The following CSNK1G1 variants were observed in gnomAD, a reference collection of about 807,000 sequenced individuals.
CSNK1G1 encodes the protein casein kinase 1 gamma 1.
CSNK1G1 carries 22 observed loss-of-function variants against 59.6 expected under a neutral mutation model. That is an observed-to-expected ratio of 0.37 (90% confidence interval 0.26 to 0.53). The LOEUF (loss-of-function observed/expected upper bound fraction) is 0.53, where lower values mean the gene tolerates loss of function less well. Among genes scored for constraint, CSNK1G1 ranks in the 20% least tolerant of loss-of-function variants. The pLI is 0.89. For missense variants in CSNK1G1, 384 were observed against 519.5 expected (o/e 0.74, Z 2.54); for synonymous variants, 179 against 177.1 (o/e 1.01, Z -0.08).
At chr15:64,342,074 A>G (rs1480048240) in intron 1 of CSNK1G1, among the ~76,000 whole-genome samples, 2 of 152,168 alleles carry the variant, frequency 1.3e-5, no homozygotes, top group African/African-American at 4.8e-5. Context: ...TTCCCTTCCG[A>G]CAGTGACGTC....
At chr15:64,180,868 T>A (rs2081804147) in intron 10 of CSNK1G1, among the ~76,000 whole-genome samples, 1 of 152,238 alleles carries the variant, frequency 6.6e-6, no homozygotes, top group Admixed American at 6.5e-5. Context: ...ACACATTACT[T>A]TGTTAAGTTA....
chr15:64,279,970 T>C (rs1174833633), intron 2 of CSNK1G1, among the ~76,000 whole-genome samples: 2 of 135,298 alleles, frequency 1.5e-5, no homozygotes, highest in Non-Finnish European at 3.1e-5. Flanking sequence ...AGACTCCATC[T>C]CAAAAAAAAA....
chr15:64,354,775 T>C (rs1313924222), intron 1 of CSNK1G1, among the ~76,000 whole-genome samples: 2 of 152,224 alleles, frequency 1.3e-5, no homozygotes, highest in African/African-American at 2.4e-5. Context: ...TTTTAACTCA[T>C]ACTACTTATG....
intron 8 of CSNK1G1, 53 bp from the exon 9 acceptor site, chr15:64,204,642 C>A: frequency 1.3e-6 from 2 of 1,575,146 alleles, no homozygotes; most frequent in Non-Finnish European, 8.7e-7. Context: ...CTTTCCATAG[C>A]AGTTGTGGGG....
intron 6 of CSNK1G1, among the ~76,000 whole-genome samples, chr15:64,211,290 C>CA (rs1379331517): frequency 1.3e-5 from 2 of 152,078 alleles, no homozygotes; most frequent in South Asian, 2.1e-4. Flanking sequence ...CTTTGCAACA[C>CA]AAAAAAATGC....
At chr15:64,215,559 T>C (rs1356510649) in intron 5 of CSNK1G1, among the ~76,000 whole-genome samples, 2 of 152,190 alleles carry the variant, frequency 1.3e-5, no homozygotes, top group Non-Finnish European at 2.9e-5. Flanking sequence ...GATATTTGAA[T>C]TTGGGGCTCA....
chr15:64,217,898 T>C (rs2082333086), intron 4 of CSNK1G1, among the ~76,000 whole-genome samples: 4 of 152,118 alleles, frequency 2.6e-5, no homozygotes, highest in African/African-American at 7.2e-5. Context: ...TATATATTTA[T>C]GTATATAGTG....
intron 4 of CSNK1G1, among the ~76,000 whole-genome samples, chr15:64,231,201 C>A: frequency 7.2e-6 from 1 of 139,124 alleles, no homozygotes; most frequent in South Asian, 2.1e-4. Context: ...TGATGTATGC[C>A]TGTGGTCCCA....
intron 2 of CSNK1G1, among the ~76,000 whole-genome samples, chr15:64,281,026 C>A (rs1302250767): frequency 3.3e-5 from 5 of 151,694 alleles, no homozygotes; most frequent in Admixed American, 3.3e-4. Flanking sequence ...ACTACAGGCA[C>A]CCGCCACCAC....
At chr15:64,315,297 G>C (rs1423390720) in intron 1 of CSNK1G1, among the ~76,000 whole-genome samples, 2 of 152,182 alleles carry the variant, frequency 1.3e-5, no homozygotes, top group East Asian at 3.8e-4. Context: ...TATTAAGAAA[G>C]GCTTTTGGTG....
At position 64,171,994 on chromosome 15, in the gene CSNK1G1, C is replaced by A. The variant is rs1203857076; in HGVS notation, c.1215-9G>T. On this transcript the variant is annotated splice_polypyrimidine_tract_variant and intron_variant, in intron 11 of 11. Coordinates refer to ENST00000303052, the MANE Select transcript of CSNK1G1 (RefSeq NM_022048.5). The surrounding 1 kb of genome is among the most constrained non-coding windows in gnomAD (Gnocchi z 4.8). ...TAAAGAAACAGCAGCACCTGGAGCA[C>A]AAGGAACATTGCAAGTCAGTGCGGG... 3 of 1,613,604 alleles carry A rather than the reference C, an allele frequency of 1.9e-6. No individual in the cohort carries two copies. Among genetic ancestry groups the A allele is most frequent in the Non-Finnish European group, 2.5e-6 (3 of 1,179,808 alleles).
chr15:64,198,546 T>C (rs2082065581), intron 10 of CSNK1G1, among the ~76,000 whole-genome samples: 1 of 151,992 alleles, frequency 6.6e-6, no homozygotes, highest in Non-Finnish European at 1.5e-5. Context: ...CAGCTCAGAT[T>C]TACTGAGTCA....
Position 64,300,589 on chromosome 15 carries a change from T to C in CSNK1G1, c.-90A>G. 1 of 1,466,228 alleles carries C rather than the reference T, an allele frequency of 6.8e-7. No individual in the cohort carries two copies. The highest frequency in any genetic ancestry group is 1.4e-5 in the African/African-American group (1 of 70,982). 90.8% of individuals were successfully genotyped at this position (1,466,228 alleles called of 1,614,324 possible). ...TACAAAAGTATGTCCAAATAAATTG[T>C]AGTCAGAGAAAGGTAAGGAGTTCTT... is the stretch of plus-strand genomic sequence containing the variant. On this transcript the variant is annotated 5_prime_UTR_variant, in exon 2 of 12. Transcript: ENST00000303052.
intron 1 of CSNK1G1, among the ~76,000 whole-genome samples, chr15:64,330,455 G>T (rs1897061770): frequency 6.7e-6 from 1 of 148,828 alleles, no homozygotes; most frequent in Admixed American, 6.8e-5. Flanking sequence ...TGCAGAAAAG[G>T]CCTTTGACAA....
intron 1 of CSNK1G1, among the ~76,000 whole-genome samples, chr15:64,314,852 G>T (rs778370747): frequency 6.6e-6 from 1 of 152,308 alleles, no homozygotes; most frequent in Admixed American, 6.5e-5. Context: ...GTGCGTGTGT[G>T]TGTACATTTT....
intron 1 of CSNK1G1, among the ~76,000 whole-genome samples, chr15:64,330,650 A>T (rs1224485585): frequency 2.2e-5 from 2 of 90,614 alleles, no homozygotes; most frequent in African/African-American, 9.0e-5. Context: ...GCTCCTATTC[A>T]ACATAGTGTT....
At chr15:64,272,785 G>A (rs867712451) in intron 2 of CSNK1G1, among the ~76,000 whole-genome samples, 5 of 151,956 alleles carry the variant, frequency 3.3e-5, no homozygotes, top group African/African-American at 9.7e-5. Context: ...TTGCTCTGTC[G>A]CCCAGGCTGG....
intron 10 of CSNK1G1, among the ~76,000 whole-genome samples, chr15:64,198,484 G>A (rs755895585): frequency 3.9e-5 from 6 of 151,962 alleles, no homozygotes; most frequent in South Asian, 4.1e-4. Flanking sequence ...GGGATTACAC[G>A]TGTGAGCCAC....
At chr15:64,247,719 T>C (rs1891832962) in intron 4 of CSNK1G1, among the ~76,000 whole-genome samples, 2 of 152,190 alleles carry the variant, frequency 1.3e-5, no homozygotes, top group African/African-American at 2.4e-5. Flanking sequence ...AGGTCATCAA[T>C]GTGAAACTGG....
Sources: gnomAD v4.1 joint callset for allele counts (sites outside exome capture counted in the v4.1 genomes callset) on GRCh38, gnomAD v4.1.1 for gene constraint, Gnocchi (gnomAD v3.1) non-coding constraint, MANE v1.5 for transcripts, NCBI Gene and HGNC (gene_info 2026-07-23, HGNC 2026-07-21) for gene names.